Variants in PHLDB3 observed in about 807,000 individuals in gnomAD.
PHLDB3 encodes the protein pleckstrin homology like domain family B member 3.
Under a neutral mutation model 85.7 loss-of-function variants are expected in PHLDB3, and 86 were observed. The observed-to-expected ratio is 1.00, with a 90% CI of 0.84 to 1.20. PHLDB3 has a LOEUF of 1.20. Among genes scored for constraint, PHLDB3 ranks in the 50% most tolerant of loss-of-function variants. The pLI, the probability that PHLDB3 is intolerant of heterozygous loss-of-function variation, is 0.00. For synonymous variants in PHLDB3, 376 were observed against 349.8 expected (o/e 1.07, Z -0.83); for missense variants, 995 against 873.0 (o/e 1.14, Z -1.76).
In PHLDB3 at chr19:43,504,146, G is replaced by A. The variant is rs1277536316; in HGVS notation, c.-14-14C>T. ...CCGCTGGGACTCCTGCGGGGTGGGC[G>A]GGACCAGAAGCTCCGGGGGCGGGGC... On this transcript the variant is annotated splice_polypyrimidine_tract_variant and intron_variant, in intron 1 of 15. Transcript: ENST00000292140. 6.4e-7 allele frequency: 1 copy of A among 1,555,790 alleles called. No individual in the cohort carries two copies. The highest frequency in any genetic ancestry group is 2.4e-5 in the East Asian group (1 of 41,782).
At position 43,503,280 on chromosome 19, in the gene PHLDB3, G is replaced by GTCTCTCTCTCTCTCTC. The variant is rs57901463; in HGVS notation, c.213+610_213+625dup. Among the ~76,000 whole-genome samples, 137 of 141,980 alleles carry GTCTCTCTCTCTCTCTC rather than the reference G, an allele frequency of 9.6e-4. 1 individual carries two copies. Among genetic ancestry groups the GTCTCTCTCTCTCTCTC allele is most frequent in the East Asian group, 2.7e-3 (13 of 4,734 alleles). The allele number at this position is 141,980 out of a possible 152,430, so 93.1% of individuals were successfully genotyped here. On this transcript the variant is annotated intron_variant, in intron 2 of 15. Coordinates refer to ENST00000292140, the MANE Select transcript of PHLDB3 (RefSeq NM_198850.4). ...GTAGTCTCTCCTGTCTGTCTATCTG[G>GTCTCTCTCTCTCTCTC]TCTCTCTCTCTCTCTCTCTCTCTCT...
intron 9 of PHLDB3, among the ~76,000 whole-genome samples, chr19:43,491,363 G>T (rs1202067151): frequency 6.6e-6 from 1 of 152,092 alleles, no homozygotes; most frequent in Non-Finnish European, 1.5e-5. Flanking sequence ...TGAGCCAGGG[G>T]AATTGCCAGT....
At chr19:43,480,073 A>G (rs1971011548) in intron 13 of PHLDB3, among the ~76,000 whole-genome samples, 1 of 151,764 alleles carries the variant, frequency 6.6e-6, no homozygotes, top group Non-Finnish European at 1.5e-5. Context: ...ATTCAAGGGC[A>G]GCCTGGGCAA....
chr19:43,495,660 T>C, intron 6 of PHLDB3, 40 bp from the exon 7 acceptor site: 1 of 1,580,326 alleles, frequency 6.3e-7, no homozygotes, highest in Admixed American at 1.8e-5. Context: ...CAGCCAGCTC[T>C]CCAGGCCACC....
chr19:43,484,336 G>T (rs1971108543), intron 13 of PHLDB3, among the ~76,000 whole-genome samples: 1 of 149,788 alleles, frequency 6.7e-6, no homozygotes. Context: ...ATGTGAATAT[G>T]GACTATATAT....
At position 43,495,948 on chromosome 19, in the gene PHLDB3, G is replaced by A. The variant is rs575861809; in HGVS notation, c.826-328C>T. ...GAGACAAGTAGAGACAACCCGAGAC[G>A]AAGGAAAAGCCAGCGGGAGAGGAAA... is the stretch of plus-strand genomic sequence containing the variant. On this transcript the variant is annotated intron_variant, in intron 6 of 15. Coordinates refer to ENST00000292140, the MANE Select transcript of PHLDB3 (RefSeq NM_198850.4). 24 of 226,446 alleles carry A rather than the reference G, an allele frequency of 1.1e-4. No homozygotes were observed. In the Admixed American group the frequency reaches 1.2e-3, roughly 11 times the overall value. 14.0% of individuals were successfully genotyped at this position (226,446 alleles called of 1,614,324 possible). A position where few individuals can be genotyped will look rare whatever the true frequency, so the allele number is the denominator to read the frequency against.
At chr19:43,489,555 G>A (rs188872722) in intron 9 of PHLDB3, among the ~76,000 whole-genome samples, 12 of 152,186 alleles carry the variant, frequency 7.9e-5, no homozygotes, top group East Asian at 3.9e-4. Context: ...AACAAGAGCC[G>A]CAGAGTCTTC....
chr19:43,492,059 G>A (rs1007055364), intron 9 of PHLDB3, among the ~76,000 whole-genome samples: 5 of 150,478 alleles, frequency 3.3e-5, no homozygotes, highest in South Asian at 2.1e-4. Flanking sequence ...GGGTTCAAGC[G>A]ATTCTTCTGT....
intron 2 of PHLDB3, among the ~76,000 whole-genome samples, chr19:43,503,241 G>A (rs1052374211): frequency 2.0e-5 from 3 of 147,760 alleles, no homozygotes; most frequent in South Asian, 2.2e-4. Context: ...TACTCGTTTG[G>A]TTCTCTCTGT....
At chr19:43,497,093 G>C (rs781610750) in intron 6 of PHLDB3, 25 bp downstream of exon 6, 1 of 1,429,604 alleles carries the variant, frequency 7.0e-7, no homozygotes, top group African/African-American at 1.5e-5. Context: ...AGCAAGGGGG[G>C]CAGCGCTGGT....
In PHLDB3 at chr19:43,502,196, G is replaced by A; in HGVS notation, c.301C>T (p.Leu101=). The change falls in exon 3 of 16, where the codon CTG becomes TTG. Residue 101 remains leucine (L), a synonymous_variant. Transcript: ENST00000292140. ...REGVRGAARR[L]QGQQLEALTR... is the part of the protein sequence containing the mutation. ...AATGCCTCCAGCTGCTGTCCTTGCA[G>A]GCGCCGCGCCGCCCCTCGCACCCCT... 3 of 1,571,822 alleles carry A rather than the reference G, an allele frequency of 1.9e-6. No individual in the cohort carries two copies. The highest frequency in any genetic ancestry group is 2.6e-6 in the Non-Finnish European group (3 of 1,159,010).
At chr19:43,491,504 A>G (rs765478960) in intron 9 of PHLDB3, among the ~76,000 whole-genome samples, 7 of 151,670 alleles carry the variant, frequency 4.6e-5, no homozygotes, top group Non-Finnish European at 8.8e-5. Flanking sequence ...AATAAATAAC[A>G]AGATTTTTTT....
At chr19:43,502,854 G>A (rs1156287175) in intron 2 of PHLDB3, among the ~76,000 whole-genome samples, 1 of 152,058 alleles carries the variant, frequency 6.6e-6, no homozygotes, top group Non-Finnish European at 1.5e-5. Context: ...TATGGAGGGT[G>A]AGCAGGTGTA....
Position 43,494,795 on chromosome 19 carries a change from T to C in PHLDB3, c.1056A>G (p.Thr352=), listed in dbSNP as rs1971404992. The change falls in exon 9 of 16, where the codon ACA becomes ACG. Residue 352 remains threonine (T), a synonymous_variant. Coordinates refer to ENST00000292140, the MANE Select transcript of PHLDB3 (RefSeq NM_198850.4). Reference sequence around the variant, plus strand: ...CCTGGAGCACCAGCAGCTGGCGGTCTGTCTTCTGGGTGAACAGCAGCTGCA... The same window carrying C: ...CCTGGAGCACCAGCAGCTGGCGGTCCGTCTTCTGGGTGAACAGCAGCTGCA... ...ALTKLLFTQK[T]DRQLLVLQDA... 1 of 1,612,564 alleles carries C rather than the reference T, an allele frequency of 6.2e-7. No homozygotes were observed.
chr19:43,495,625 C>T lies in PHLDB3; in HGVS notation c.826-5G>A, dbSNP rs1259549869. 6.2e-7 allele frequency: 1 copy of T among 1,605,710 alleles called. No homozygotes were observed. The highest frequency in any genetic ancestry group is 1.3e-5 in the African/African-American group (1 of 74,708). ...CCGGTGCTGCAGAGCACCCCTCTGT[C>T]CCGGTTACTCATCTGTCACGGCCCC... On this transcript the variant is annotated splice_polypyrimidine_tract_variant and splice_region_variant and intron_variant, in intron 6 of 15. Coordinates refer to ENST00000292140, the MANE Select transcript of PHLDB3 (RefSeq NM_198850.4).
intron 4 of PHLDB3, among the ~76,000 whole-genome samples, chr19:43,501,135 CCTGA>C (rs1427373562): frequency 1.3e-5 from 2 of 150,834 alleles, no homozygotes; most frequent in African/African-American, 2.4e-5. Flanking sequence ...ATGGGAGCTG[CCTGA>C]CTATTGTGGG....
rs1240345114 is a variant in PHLDB3, at chr19:43,504,068, C to A, written c.51G>T (p.Pro17=). The change falls in exon 2 of 16, where the codon CCG becomes CCT. Residue 17 remains proline (P), a synonymous_variant. Transcript: ENST00000292140. ...GGGGCTGGACCTCCACGTCGCATTCCGGGACCAGCGGCGGCGGGGTCCCCT... is the reference window on the plus strand; with the variant it reads ...GGGGCTGGACCTCCACGTCGCATTCAGGGACCAGCGGCGGCGGGGTCCCCT... ...PEEGTPPPLV[P]ECDVEVQPQG... 2 of 1,613,036 alleles carry A rather than the reference C, an allele frequency of 1.2e-6. No individual in the cohort carries two copies. The highest frequency in any genetic ancestry group is 1.1e-5 in the South Asian group (1 of 90,938).
chr19:43,501,587 G>A, intron 4 of PHLDB3, 147 bp downstream of exon 4: 1 of 1,398,332 alleles, frequency 7.2e-7, no homozygotes. Context: ...AAAACCAGGA[G>A]GGGCATCTGC....
At chr19:43,484,902 G>C (rs762759483) in intron 13 of PHLDB3, among the ~76,000 whole-genome samples, 2 of 151,990 alleles carry the variant, frequency 1.3e-5, no homozygotes, top group Admixed American at 6.6e-5. Context: ...GACATGGGAG[G>C]ATTGTTTGAG....
Sources: gnomAD v4.1 joint callset for allele counts (sites outside exome capture counted in the v4.1 genomes callset) on GRCh38, gnomAD v4.1.1 for gene constraint, MANE v1.5 for transcripts, NCBI Gene and HGNC (gene_info 2026-07-23, HGNC 2026-07-21) for gene names.